CNTNAP5: variants seen among roughly 807,000 people sequenced by gnomAD.
The protein encoded by CNTNAP5 is contactin-associated protein-like 5.
A neutral mutation model predicts 150.2 loss-of-function variants in CNTNAP5; 72 were observed. The ratio of observed to expected loss-of-function variants is 0.48; its 90% CI spans 0.40 to 0.58. The LOEUF is 0.58. CNTNAP5 is among the 20% of genes least tolerant of loss of function. CNTNAP5 has a pLI of 0.00. For missense variants in CNTNAP5, 1,636 were observed against 1,626.2 expected (o/e 1.01, Z -0.10); for synonymous variants, 672 against 619.8 (o/e 1.08, Z -1.25).
chr2:124,166,474 TCTAA>T (rs1684812307), intron 1 of CNTNAP5, among the ~76,000 whole-genome samples: 2 of 152,162 alleles, frequency 1.3e-5, no homozygotes, highest in Admixed American at 6.5e-5. Context: ...TGATTAAGTC[TCTAA>T]CTGTCAGATC....
intron 19 of CNTNAP5, among the ~76,000 whole-genome samples, chr2:124,820,959 A>C (rs975931478): frequency 6.6e-6 from 1 of 152,228 alleles, no homozygotes; most frequent in Non-Finnish European, 1.5e-5. Flanking sequence ...AAGAGTGAAC[A>C]AACTTGTGGA....
intron 1 of CNTNAP5, among the ~76,000 whole-genome samples, chr2:124,049,668 T>G (rs868766836): frequency 9.5e-4 from 144 of 152,210 alleles, no homozygotes; most frequent in African/African-American, 3.4e-3. Context: ...TAATGATACC[T>G]ACCCCGATGA....
intron 7 of CNTNAP5, among the ~76,000 whole-genome samples, chr2:124,489,582 C>A (rs1258408829): frequency 2.0e-5 from 3 of 152,176 alleles, no homozygotes; most frequent in African/African-American, 7.2e-5. Context: ...TTAGACTCTG[C>A]AAACCATCTA....
chr2:124,780,542 G>C (rs1445797660), intron 17 of CNTNAP5, among the ~76,000 whole-genome samples: 1 of 152,124 alleles, frequency 6.6e-6, no homozygotes, highest in Non-Finnish European at 1.5e-5. Flanking sequence ...AAAGATAAAG[G>C]GATTTCAAAA....
chr2:124,789,767 A>T (rs1466149058), intron 17 of CNTNAP5, 135 bp from the exon 18 acceptor site: 2 of 766,632 alleles, frequency 2.6e-6, no homozygotes, highest in Non-Finnish European at 4.0e-6. Flanking sequence ...CTCTCACTGA[A>T]ACTTTAATAA....
At chr2:124,782,627 T>C (rs1681478752) in intron 17 of CNTNAP5, among the ~76,000 whole-genome samples, 1 of 152,034 alleles carries the variant, frequency 6.6e-6, no homozygotes, top group African/African-American at 2.4e-5. Context: ...TGTAAAATAA[T>C]CACTGGCATT....
intron 4 of CNTNAP5, among the ~76,000 whole-genome samples, chr2:124,419,808 G>T (rs1055076453): frequency 6.6e-6 from 1 of 151,984 alleles, no homozygotes; most frequent in Non-Finnish European, 1.5e-5. Flanking sequence ...ACATTTCTCA[G>T]TTTGTATCTA....
intron 3 of CNTNAP5, among the ~76,000 whole-genome samples, chr2:124,259,523 T>C (rs1211705320): frequency 6.6e-6 from 1 of 152,150 alleles, no homozygotes; most frequent in African/African-American, 2.4e-5. Context: ...GCACCTGTTG[T>C]TTCCTGACTT....
At chr2:124,116,831 A>C (rs1444258901) in intron 1 of CNTNAP5, among the ~76,000 whole-genome samples, 1 of 152,208 alleles carries the variant, frequency 6.6e-6, no homozygotes, top group Non-Finnish European at 1.5e-5. Context: ...GCCACCTTTC[A>C]GAGTGGCATG....
chr2:124,431,295 G>A (rs535255077), intron 4 of CNTNAP5, among the ~76,000 whole-genome samples: 1 of 152,092 alleles, frequency 6.6e-6, no homozygotes, highest in Non-Finnish European at 1.5e-5. Flanking sequence ...TGGAGAGGGA[G>A]GTGAGTGAGT....
intron 19 of CNTNAP5, among the ~76,000 whole-genome samples, chr2:124,810,629 C>T (rs1013447014): frequency 2.0e-5 from 3 of 151,896 alleles, no homozygotes; most frequent in South Asian, 2.1e-4. Flanking sequence ...CGTGGTTCAC[C>T]CAATTAAAGA....
intron 21 of CNTNAP5, among the ~76,000 whole-genome samples, chr2:124,883,784 C>T (rs971113357): frequency 1.3e-5 from 2 of 151,990 alleles, no homozygotes; most frequent in Non-Finnish European, 2.9e-5. Context: ...GTCCATGTGT[C>T]CACATGCATA....
chr2:124,050,502 T>C (rs1681668022), intron 1 of CNTNAP5, among the ~76,000 whole-genome samples: 1 of 151,966 alleles, frequency 6.6e-6, no homozygotes, highest in African/African-American at 2.4e-5. Flanking sequence ...TAACTAGATT[T>C]TGTTAGCAAG....
chr2:124,364,604 TC>T (rs1198568877), intron 3 of CNTNAP5, among the ~76,000 whole-genome samples: 4 of 152,184 alleles, frequency 2.6e-5, no homozygotes, highest in African/African-American at 4.8e-5. Context: ...GATTAGGTAC[TC>T]AAGGAACCCT....
At chr2:124,418,662 G>A (rs966763969) in intron 4 of CNTNAP5, among the ~76,000 whole-genome samples, 3 of 152,146 alleles carry the variant, frequency 2.0e-5, no homozygotes, top group Non-Finnish European at 4.4e-5. Context: ...ATATGGTTTA[G>A]AACAGATGCA....
At chr2:124,695,783 A>T (rs1001021101) in intron 13 of CNTNAP5, among the ~76,000 whole-genome samples, 15 of 152,178 alleles carry the variant, frequency 9.9e-5, no homozygotes, top group African/African-American at 3.6e-4. Flanking sequence ...GGCTGTCCTC[A>T]TACAGCAGGT....
At chr2:124,588,507 G>C (rs1696607127) in intron 11 of CNTNAP5, among the ~76,000 whole-genome samples, 2 of 151,926 alleles carry the variant, frequency 1.3e-5, no homozygotes, top group South Asian at 4.2e-4. Context: ...TTCAAGCCTT[G>C]CCGTATCTTT....
intron 20 of CNTNAP5, among the ~76,000 whole-genome samples, chr2:124,866,861 C>T (rs1573673637): frequency 6.6e-6 from 1 of 152,292 alleles, no homozygotes; most frequent in Non-Finnish European, 1.5e-5. Flanking sequence ...TTTACTTATA[C>T]TGCTAACAAT....
chr2:124,061,121 C>T (rs902768343), intron 1 of CNTNAP5, among the ~76,000 whole-genome samples: 12 of 152,058 alleles, frequency 7.9e-5, no homozygotes, highest in East Asian at 1.9e-4. Flanking sequence ...AAGCCTAGAG[C>T]GAAGCCATGT....
Sources: gnomAD v4.1 joint callset for allele counts (sites outside exome capture counted in the v4.1 genomes callset) on GRCh38, gnomAD v4.1.1 for gene constraint, MANE v1.5 for transcripts, NCBI Gene and HGNC (gene_info 2026-07-23, HGNC 2026-07-21) for gene names.